UBE2L3: variants seen among roughly 807,000 people sequenced by gnomAD.
UBE2L3 encodes the protein ubiquitin-conjugating enzyme E2 L3.
A neutral mutation model predicts 17.8 loss-of-function variants in UBE2L3; 1 was observed. The ratio of observed to expected loss-of-function variants is 0.06; its 90% CI spans 0.02 to 0.27. The LOEUF is 0.27. UBE2L3 is among the 10% of genes least tolerant of loss of function. The pLI is 1.00. For missense variants in UBE2L3, 40 were observed against 192.6 expected (o/e 0.21, Z 4.69); for synonymous variants, 44 against 68.5 (o/e 0.64, Z 1.76).
In UBE2L3 at chr22:21,614,645, G is replaced by A. The variant is rs748269550; in HGVS notation, c.310+3602G>A. The A allele has an allele frequency of 5.1e-6, 7 of 1,366,140 alleles. No individual in the cohort carries two copies. In the South Asian group the frequency reaches 8.0e-5, roughly 16 times the overall value. 84.6% of individuals were successfully genotyped at this position (1,366,140 alleles called of 1,614,324 possible). ...AATTCACAACCTGTAGCTGACTTTA[G>A]CCACCCACAAGTACAGAAAAGTAAG... On this transcript the variant is annotated intron_variant, in intron 3 of 3. Coordinates refer to ENST00000342192, the MANE Select transcript of UBE2L3 (RefSeq NM_003347.4).
chr22:21,619,761 G>A (rs570720512), intron 3 of UBE2L3, among the ~76,000 whole-genome samples: 3 of 152,090 alleles, frequency 2.0e-5, no homozygotes, highest in Admixed American at 6.5e-5. Context: ...GCACGATCTC[G>A]GCTCACTGCA....
At chr22:21,593,347 A>T (rs753417233) in intron 2 of UBE2L3, among the ~76,000 whole-genome samples, 1 of 152,000 alleles carries the variant, frequency 6.6e-6, no homozygotes, top group Non-Finnish European at 1.5e-5. Flanking sequence ...TTTTGCATTC[A>T]TGTCTCTAAC....
chr22:21,577,719 T>G (rs1239046368), intron 1 of UBE2L3, among the ~76,000 whole-genome samples: 2 of 152,186 alleles, frequency 1.3e-5, no homozygotes, highest in Non-Finnish European at 2.9e-5. Flanking sequence ...TGTTTGGGTT[T>G]TGTTTGTTTT....
chr22:21,611,174 T>C lies in UBE2L3; in HGVS notation c.310+131T>C, dbSNP rs574658885. On this transcript the variant is annotated intron_variant, in intron 3 of 3. Coordinates refer to ENST00000342192, the MANE Select transcript of UBE2L3 (RefSeq NM_003347.4). ...TACACGAAAAATGTAGCTGAGGTCC[T>C]GTCAGACCTTGTGGGAATGGCTCAT... 1.8e-5 allele frequency: 19 copies of C among 1,081,898 alleles called. No individual in the cohort carries two copies. In the African/African-American group the frequency reaches 2.7e-4, roughly 16 times the overall value. 67.0% of individuals were successfully genotyped at this position (1,081,898 alleles called of 1,614,324 possible). A position where few individuals can be genotyped will look rare whatever the true frequency, so the allele number is the denominator to read the frequency against.
intron 3 of UBE2L3, chr22:21,614,581 C>G: frequency 1.5e-6 from 2 of 1,367,588 alleles, no homozygotes; most frequent in South Asian, 2.3e-5. Context: ...CCAATTATGG[C>G]TTCTCTCAGA....
chr22:21,620,699 G>A (rs1158615132), intron 3 of UBE2L3, among the ~76,000 whole-genome samples: 2 of 152,132 alleles, frequency 1.3e-5, no homozygotes, highest in African/African-American at 4.8e-5. Flanking sequence ...AATGTGATGC[G>A]ATGGCGGTTG....
intron 3 of UBE2L3, among the ~76,000 whole-genome samples, chr22:21,618,440 C>A (rs989466514): frequency 1.6e-4 from 24 of 151,852 alleles, no homozygotes; most frequent in Middle Eastern, 3.2e-3. Flanking sequence ...GTGGCAGGTG[C>A]CTGTAATCCC....
chr22:21,596,372 C>T (rs1174555671), intron 2 of UBE2L3, among the ~76,000 whole-genome samples: 2 of 151,794 alleles, frequency 1.3e-5, no homozygotes, highest in Non-Finnish European at 2.9e-5. Context: ...TTATTTTATT[C>T]CATTTTATTT....
Position 21,623,455 on chromosome 22 carries a change from T to G in UBE2L3, c.*1786T>G, listed in dbSNP as rs1419514117. On this transcript the variant is annotated 3_prime_UTR_variant, in exon 4 of 4. Coordinates refer to ENST00000342192, the MANE Select transcript of UBE2L3 (RefSeq NM_003347.4). ...ATTTTATTTCACTCACACTCCAGTT[T>G]GTAATAAAATGCCAAATTCTGTCAG... is the stretch of plus-strand genomic sequence containing the variant. 6 of 152,782 alleles carry G rather than the reference T, an allele frequency of 3.9e-5. No homozygotes were observed. Among genetic ancestry groups the G allele is most frequent in the African/African-American group, 1.4e-4 (6 of 41,450 alleles). 9.5% of individuals were successfully genotyped at this position (152,782 alleles called of 1,614,324 possible).
At chr22:21,557,757 G>A (rs1162808736) in intron 1 of UBE2L3, among the ~76,000 whole-genome samples, 7 of 152,378 alleles carry the variant, frequency 4.6e-5, no homozygotes, top group East Asian at 1.9e-4. Flanking sequence ...TCCTGACCTC[G>A]TGATCCACCC....
chr22:21,604,226 G>A (rs560450159), intron 2 of UBE2L3, among the ~76,000 whole-genome samples: 17 of 152,322 alleles, frequency 1.1e-4, no homozygotes, highest in African/African-American at 4.1e-4. Flanking sequence ...TCAGCTGGGC[G>A]TAGTGGCTCA....
At chr22:21,605,499 TTTTTTCTTTTTC>T (rs961428672) in intron 2 of UBE2L3, among the ~76,000 whole-genome samples, 2 of 152,082 alleles carry the variant, frequency 1.3e-5, no homozygotes, top group African/African-American at 4.8e-5. Context: ...AGGGTTTCTT[TTTTTTCTTTTTC>T]TTTTTCTTTT....
chr22:21,563,560 CAA>C (rs111839709), upstream of UBE2L3, among the ~76,000 whole-genome samples: 17 of 116,488 alleles, frequency 1.5e-4, no homozygotes, highest in African/African-American at 5.3e-4. Context: ...GACTCCGTCT[CAA>C]AAAAAAAAAA....
chr22:21,610,240 C>A (rs1181481977), intron 2 of UBE2L3, among the ~76,000 whole-genome samples: 1 of 152,166 alleles, frequency 6.6e-6, no homozygotes, highest in African/African-American at 2.4e-5. Context: ...CCCATCATGA[C>A]CTAATCACTT....
At chr22:21,606,528 C>G (rs1237065174) in intron 2 of UBE2L3, among the ~76,000 whole-genome samples, 3 of 152,070 alleles carry the variant, frequency 2.0e-5, no homozygotes, top group Non-Finnish European at 4.4e-5. Context: ...CTTACTTCCC[C>G]CCACCACCAC....
chr22:21,578,424 C>T (rs920360438), intron 1 of UBE2L3, among the ~76,000 whole-genome samples: 6 of 151,838 alleles, frequency 4.0e-5, no homozygotes, highest in African/African-American at 1.5e-4. Context: ...GGATTCTCCA[C>T]GAGTTTTACA....
chr22:21,598,614 G>A (rs1212180255), intron 2 of UBE2L3, among the ~76,000 whole-genome samples: 1 of 146,316 alleles, frequency 6.8e-6, no homozygotes, highest in East Asian at 2.0e-4. Flanking sequence ...TTCCCAGCAT[G>A]TTGGGAGGCT....
At chr22:21,620,510 G>C (rs1000780592) in intron 3 of UBE2L3, among the ~76,000 whole-genome samples, 3 of 152,172 alleles carry the variant, frequency 2.0e-5, no homozygotes, top group African/African-American at 7.2e-5. Flanking sequence ...TTCTGAGGGT[G>C]CTGGTCCTGA....
chr22:21,613,554 A>G (rs1421689550), intron 3 of UBE2L3, among the ~76,000 whole-genome samples: 1 of 152,202 alleles, frequency 6.6e-6, no homozygotes, highest in Non-Finnish European at 1.5e-5. Context: ...CCATCCTCAC[A>G]TACATCAAGA....
Sources: gnomAD v4.1 joint callset for allele counts (sites outside exome capture counted in the v4.1 genomes callset) on GRCh38, gnomAD v4.1.1 for gene constraint, MANE v1.5 for transcripts, NCBI Gene and HGNC (gene_info 2026-07-23, HGNC 2026-07-21) for gene names.